Variants in PHLPP2 observed in about 807,000 individuals in gnomAD.
PHLPP2 encodes the protein PH domain leucine-rich repeat-containing protein phosphatase 2.
PHLPP2 carries 66 observed loss-of-function variants against 124.9 expected under a neutral mutation model. The observed-to-expected ratio is 0.53, with a 90% CI of 0.43 to 0.65. PHLPP2 has a LOEUF of 0.65. Among genes scored for constraint, PHLPP2 ranks in the 30% least tolerant of loss-of-function variants. The pLI, the probability that PHLPP2 is intolerant of heterozygous loss-of-function variation, is 0.00. For missense variants in PHLPP2, 1,685 were observed against 1,600.4 expected, an observed-to-expected ratio of 1.05 and a Z score of -0.90; for synonymous variants, 681 against 624.7, an observed-to-expected ratio of 1.09 and a Z score of -1.34.
chr16:71,702,899 G>A (rs1205430760), intron 2 of PHLPP2, among the ~76,000 whole-genome samples, 168 bp from the exon 3 acceptor site: 1 of 152,042 alleles, frequency 6.6e-6, no homozygotes, highest in Non-Finnish European at 1.5e-5. Context: ...ATCCTCACCT[G>A]AATCATGTAT....
intron 3 of PHLPP2, among the ~76,000 whole-genome samples, chr16:71,698,909 A>G (rs2045201010): frequency 6.6e-6 from 1 of 152,156 alleles, no homozygotes; most frequent in South Asian, 2.1e-4. Flanking sequence ...GTGTCCTTTT[A>G]TAACCAGAGA....
intron 6 of PHLPP2, among the ~76,000 whole-genome samples, chr16:71,680,332 A>T (rs1483074509): frequency 6.6e-6 from 1 of 152,248 alleles, no homozygotes; most frequent in African/African-American, 2.4e-5. Context: ...AAAATGTCAC[A>T]TAAAATGAAT....
intron 2 of PHLPP2, among the ~76,000 whole-genome samples, chr16:71,708,049 G>A (rs2145375969): frequency 6.6e-6 from 1 of 152,284 alleles, no homozygotes; most frequent in East Asian, 1.9e-4. Context: ...CCAGGTCAAA[G>A]CCTTTCTTTA....
rs762696263 is a variant in PHLPP2 at position 71,679,465 on chromosome 16, T to A, written c.961A>T (p.Ile321Phe). ...LGLFPILLCEISTLTELNLSC... is the reference protein window; with the variant it reads ...LGLFPILLCEFSTLTELNLSC... ...AGGTTGAGCTCAGTCAGGGTAGAGA[T>A]CTCGCATAACAATATAGGAAACAAC... Residue 321 changes from isoleucine (I) to phenylalanine (F), a missense_variant, in exon 7 of 19, where the codon ATC (isoleucine) becomes TTC (phenylalanine). By Grantham distance (21) the Ile-to-Phe change is conservative (BLOSUM62 0). Transcript: ENST00000568954. 1.2e-6 allele frequency: 2 copies of A among 1,613,568 alleles called. No individual in the cohort carries two copies. The highest frequency in any genetic ancestry group is 1.7e-6 in the Non-Finnish European group (2 of 1,179,510).
intron 3 of PHLPP2, among the ~76,000 whole-genome samples, chr16:71,691,460 C>CAAATAAATAAATAAAT (rs57388026): frequency 7.2e-6 from 1 of 139,432 alleles, no homozygotes; most frequent in Non-Finnish European, 1.5e-5. Flanking sequence ...GACGCTGTCT[C>CAAATAAATAAATAAAT]AAATAAATAA....
intron 10 of PHLPP2, 83 bp from the exon 11 acceptor site, chr16:71,669,453 C>T (rs1422754423): frequency 2.0e-6 from 2 of 999,556 alleles, no homozygotes; most frequent in Non-Finnish European, 3.1e-6. Flanking sequence ...ATCCATTAAC[C>T]AGCCTGTGAG....
At chr16:71,705,660 C>T (rs1237307248) in intron 2 of PHLPP2, among the ~76,000 whole-genome samples, 2 of 152,074 alleles carry the variant, frequency 1.3e-5, no homozygotes, top group Admixed American at 6.5e-5. Context: ...TACAGGCCCA[C>T]GCCACCATGC....
intron 15 of PHLPP2, 59 bp from the exon 16 acceptor site, chr16:71,656,740 C>G: frequency 9.8e-7 from 1 of 1,017,844 alleles, no homozygotes; most frequent in South Asian, 1.4e-5. Flanking sequence ...AAAAACTATC[C>G]CAACAATAGT....
intron 2 of PHLPP2, among the ~76,000 whole-genome samples, chr16:71,713,986 C>G (rs896895887): frequency 2.0e-5 from 3 of 148,604 alleles, no homozygotes; most frequent in African/African-American, 7.4e-5. Context: ...GTCACCCAGG[C>G]TGCAGTGCAG....
intron 2 of PHLPP2, among the ~76,000 whole-genome samples, chr16:71,709,382 G>A (rs1243734466): frequency 6.6e-6 from 1 of 151,988 alleles, no homozygotes; most frequent in Non-Finnish European, 1.5e-5. Flanking sequence ...AATTTTAAAA[G>A]ATAGCTACTG....
Position 71,649,858 on chromosome 16 carries a change from G to A in PHLPP2, c.3004C>T (p.His1002Tyr), listed in dbSNP as rs746749301. 4 of 1,613,876 alleles carry A rather than the reference G, an allele frequency of 2.5e-6. No individual in the cohort carries two copies. The highest frequency in any genetic ancestry group is 1.1e-5 in the South Asian group (1 of 91,082). The change falls in exon 19 of 19, where the codon CAC (histidine) becomes TAC (tyrosine). Residue 1002 changes from histidine (H) to tyrosine (Y), a missense_variant. Transcript: ENST00000568954. ...SYTEAVNAVR[H>Y]VQDPLAAAKK... ...GCAGCTGCTAATGGGTCTTGTACGT[G>A]ACGTACAGCATTGACAGCTTCTGTG...
In PHLPP2 at chr16:71,658,366, A is replaced by T. The variant is rs770131003; in HGVS notation, c.2149-3T>A. 6.2e-7 allele frequency: 1 copy of T among 1,611,310 alleles called. No homozygotes were observed. Among genetic ancestry groups the T allele is most frequent in the Admixed American group, 1.7e-5 (1 of 59,184 alleles). On this transcript the variant is annotated splice_polypyrimidine_tract_variant and splice_region_variant and intron_variant, in intron 14 of 18. Transcript: ENST00000568954. Reference sequence around the variant, plus strand: ...TCGTTGCAACTTAGGTCTACAAACTAAGAAAAAATTGAGAAATCAAAAGAA... The same window carrying T: ...TCGTTGCAACTTAGGTCTACAAACTTAGAAAAAATTGAGAAATCAAAAGAA...
intron 4 of PHLPP2, among the ~76,000 whole-genome samples, chr16:71,687,055 T>C (rs957955265): frequency 6.6e-6 from 1 of 152,260 alleles, no homozygotes; most frequent in African/African-American, 2.4e-5. Context: ...TGTATAAATG[T>C]TCCAGTTGCT....
intron 1 of PHLPP2, among the ~76,000 whole-genome samples, chr16:71,719,016 C>T (rs892330521): frequency 6.6e-6 from 1 of 152,166 alleles, no homozygotes; most frequent in Admixed American, 6.5e-5. Flanking sequence ...CTTAACACAT[C>T]AGTTAACTGC....
chr16:71,713,820 G>A (rs1361340698), intron 2 of PHLPP2, among the ~76,000 whole-genome samples: 3 of 151,610 alleles, frequency 2.0e-5, no homozygotes, highest in Non-Finnish European at 1.5e-5. Flanking sequence ...AAAGAAGCTG[G>A]TAATAACTAT....
chr16:71,712,607 G>C (rs1459494744), intron 2 of PHLPP2, among the ~76,000 whole-genome samples: 1 of 152,164 alleles, frequency 6.6e-6, no homozygotes, highest in Non-Finnish European at 1.5e-5. Flanking sequence ...ACTTAGAAAA[G>C]CCTAAGGATC....
chr16:71,706,156 G>C (rs1356492837), intron 2 of PHLPP2, among the ~76,000 whole-genome samples: 1 of 152,228 alleles, frequency 6.6e-6, no homozygotes, highest in South Asian at 2.1e-4. Flanking sequence ...ACTGCTTTAA[G>C]GAGACAATAG....
chr16:71,656,178 T>G (rs1043048302), intron 16 of PHLPP2, among the ~76,000 whole-genome samples: 2 of 152,108 alleles, frequency 1.3e-5, no homozygotes, highest in African/African-American at 4.8e-5. Flanking sequence ...GGGTTTGGAC[T>G]TTGGTTTGGT....
intron 2 of PHLPP2, among the ~76,000 whole-genome samples, chr16:71,710,195 G>A (rs534392744): frequency 6.6e-6 from 1 of 152,126 alleles, no homozygotes; most frequent in African/African-American, 2.4e-5. Flanking sequence ...CCTAAATTCT[G>A]TAACTCTTCC....
Sources: gnomAD v4.1 joint callset for allele counts (sites outside exome capture counted in the v4.1 genomes callset) on GRCh38, gnomAD v4.1.1 for gene constraint, MANE v1.5 for transcripts, NCBI Gene and HGNC (gene_info 2026-07-23, HGNC 2026-07-21) for gene names.